The following ARHGAP10 variants were observed in gnomAD, a reference collection of about 807,000 sequenced individuals.
ARHGAP10 encodes the protein Rho GTPase activating protein 10, also known as rho GTPase-activating protein 10.
ARHGAP10 carries 87 observed loss-of-function variants against 108.6 expected under a neutral mutation model. That is an observed-to-expected ratio of 0.80 (90% CI 0.67 to 0.96). ARHGAP10 has a LOEUF of 0.96. Ranked by LOEUF, ARHGAP10 falls within the 40% of genes least tolerant of loss-of-function variation. ARHGAP10 has a pLI of 0.00. For synonymous variants in ARHGAP10, 347 were observed against 341.1 expected, an observed-to-expected ratio of 1.02 and a Z score of -0.19; for missense variants, 939 against 954.5, an observed-to-expected ratio of 0.98 and a Z score of 0.21.
chr4:147,951,437 G>T, intron 15 of ARHGAP10, among the ~76,000 whole-genome samples: 1 of 150,894 alleles, frequency 6.6e-6, no homozygotes, highest in Admixed American at 6.6e-5. Context: ...TTGTGAAATG[G>T]GAATGTAGGG....
At chr4:147,930,941 C>CA (rs2126948417) in intron 13 of ARHGAP10, among the ~76,000 whole-genome samples, 1 of 152,336 alleles carries the variant, frequency 6.6e-6, no homozygotes, top group East Asian at 1.9e-4. Flanking sequence ...AGCCCACCTA[C>CA]AGGGACAGTG....
intron 19 of ARHGAP10, among the ~76,000 whole-genome samples, chr4:148,027,036 A>G (rs559516150): frequency 5.3e-5 from 8 of 152,336 alleles, no homozygotes; most frequent in Non-Finnish European, 1.2e-4. Flanking sequence ...AAATACAAGG[A>G]AAGTTCAGGA....
intron 1 of ARHGAP10, among the ~76,000 whole-genome samples, chr4:147,784,048 T>C (rs896220187): frequency 7.0e-6 from 1 of 143,474 alleles, no homozygotes; most frequent in South Asian, 2.3e-4. Flanking sequence ...TTATATATTA[T>C]ATATTTTACA....
intron 3 of ARHGAP10, among the ~76,000 whole-genome samples, chr4:147,843,943 A>G (rs1237885690): frequency 1.3e-5 from 2 of 151,986 alleles, no homozygotes; most frequent in East Asian, 3.9e-4. Flanking sequence ...CTACCGTCCT[A>G]CCTCTCTACT....
At chr4:147,788,249 A>G (rs1397593007) in intron 1 of ARHGAP10, among the ~76,000 whole-genome samples, 1 of 152,146 alleles carries the variant, frequency 6.6e-6, no homozygotes, top group African/African-American at 2.4e-5. Flanking sequence ...GTTTGAGACC[A>G]GCCTGACCAA....
At chr4:147,947,223 CTG>C (rs1738420600) in intron 15 of ARHGAP10, among the ~76,000 whole-genome samples, 2 of 138,114 alleles carry the variant, frequency 1.4e-5, no homozygotes, top group Admixed American at 7.2e-5. Context: ...TTATGAGTCA[CTG>C]TCTTTTTTTT....
At chr4:147,837,649 T>TTTTTTTTTTTTTTTTTTTTTTTTG (rs1464829511) in intron 3 of ARHGAP10, among the ~76,000 whole-genome samples, 1 of 132,134 alleles carries the variant, frequency 7.6e-6, no homozygotes, top group Non-Finnish European at 1.7e-5. Context: ...CACTGTTTTT[T>TTTTTTTTTTTTTTTTTTTTTTTTG]TTTTTTTTTT....
At chr4:148,000,063 C>T (rs1740639897) in intron 18 of ARHGAP10, among the ~76,000 whole-genome samples, 1 of 151,930 alleles carries the variant, frequency 6.6e-6, no homozygotes, top group South Asian at 2.1e-4. Flanking sequence ...TCTCCTAATG[C>T]TGTCCCTCCC....
intron 1 of ARHGAP10, among the ~76,000 whole-genome samples, chr4:147,781,314 G>C (rs535838854): frequency 6.6e-6 from 1 of 152,210 alleles, no homozygotes; most frequent in Admixed American, 6.5e-5. Context: ...AGAAACTATT[G>C]GGGGATAGGT....
At chr4:147,839,426 A>T (rs1163596558) in intron 3 of ARHGAP10, among the ~76,000 whole-genome samples, 2 of 152,214 alleles carry the variant, frequency 1.3e-5, no homozygotes, top group Non-Finnish European at 2.9e-5. Flanking sequence ...TGGGGAACGG[A>T]TGTAAAATTC....
chr4:148,006,183 C>T (rs966421748), intron 18 of ARHGAP10, among the ~76,000 whole-genome samples: 2 of 152,196 alleles, frequency 1.3e-5, no homozygotes, highest in African/African-American at 4.8e-5. Context: ...CCACCCTGGG[C>T]CTGCCAAGCA....
chr4:147,809,582 C>T (rs1731928197), intron 1 of ARHGAP10, among the ~76,000 whole-genome samples: 2 of 152,198 alleles, frequency 1.3e-5, no homozygotes, highest in African/African-American at 4.8e-5. Flanking sequence ...CAGCTGGTCA[C>T]TGGTGACACG....
chr4:147,829,504 A>C (rs1234867891), intron 3 of ARHGAP10, among the ~76,000 whole-genome samples: 1 of 151,984 alleles, frequency 6.6e-6, no homozygotes, highest in Admixed American at 6.6e-5. Flanking sequence ...AGTGTTTTTG[A>C]GTGAGTAGTT....
chr4:147,815,480 G>A (rs1393797446), intron 1 of ARHGAP10, among the ~76,000 whole-genome samples: 8 of 152,048 alleles, frequency 5.3e-5, no homozygotes, highest in Non-Finnish European at 1.0e-4. Flanking sequence ...GGCGGGGGGC[G>A]GGGGGAGGAG....
chr4:147,846,246 A>G (rs1393527892), intron 3 of ARHGAP10, among the ~76,000 whole-genome samples: 1 of 152,198 alleles, frequency 6.6e-6, no homozygotes, highest in African/African-American at 2.4e-5. Flanking sequence ...GCCTTTGGTT[A>G]CATTAAGAAT....
intron 1 of ARHGAP10, among the ~76,000 whole-genome samples, chr4:147,752,794 C>T (rs1288572274): frequency 2.0e-5 from 3 of 152,138 alleles, no homozygotes; most frequent in South Asian, 2.1e-4. Flanking sequence ...CCCAAAGTGC[C>T]GGGATTACAG....
chr4:147,982,502 CTG>C (rs1283695331), intron 18 of ARHGAP10, among the ~76,000 whole-genome samples: 1 of 143,694 alleles, frequency 7.0e-6, no homozygotes, highest in African/African-American at 2.6e-5. Context: ...CTTCCTAAGA[CTG>C]TAGCTGGGAC....
At chr4:147,857,228 T>C (rs1047083172) in intron 4 of ARHGAP10, among the ~76,000 whole-genome samples, 1 of 152,248 alleles carries the variant, frequency 6.6e-6, no homozygotes, top group South Asian at 2.1e-4. Context: ...TTATTTTTCT[T>C]ACGTATTTTG....
Position 148,007,974 on chromosome 4 carries a change from A to G in ARHGAP10, c.1717-15289A>G, listed in dbSNP as rs1175839853. 2.6e-5 allele frequency among the ~76,000 whole-genome samples: 4 copies of G among 152,276 alleles called. No individual in the cohort carries two copies. The East Asian group carries it at 7.7e-4, about 29-fold the overall frequency. On this transcript the variant is annotated intron_variant, in intron 18 of 22. Transcript: ENST00000336498. ...GTAATGCCCTAGCATGTCCCAGTCA[A>G]TCAGGACTGCAGTTGGGTTAGCATC... is the stretch of plus-strand genomic sequence containing the variant.
Sources: gnomAD v4.1 joint callset for allele counts (sites outside exome capture counted in the v4.1 genomes callset) on GRCh38, gnomAD v4.1.1 for gene constraint, MANE v1.5 for transcripts, NCBI Gene and HGNC (gene_info 2026-07-23, HGNC 2026-07-21) for gene names.